TDRD1: variants seen among roughly 807,000 people sequenced by gnomAD.
TDRD1 encodes the protein tudor domain-containing protein 1.
TDRD1 carries 37 observed loss-of-function variants against 140.6 expected under a neutral mutation model. The observed-to-expected ratio is 0.26, with a 90% CI of 0.20 to 0.35. TDRD1 has a LOEUF of 0.35. Ranked by LOEUF, TDRD1 falls within the 10% of genes least tolerant of loss-of-function variation. The probability of loss-of-function intolerance (pLI) is 1.00; values close to 1 mark genes in which losing one functional copy is unlikely to be tolerated. For missense variants in TDRD1, 1,243 were observed against 1,393.0 expected, an observed-to-expected ratio of 0.89 and a Z score of 1.71; for synonymous variants, 506 against 475.7, an observed-to-expected ratio of 1.06 and a Z score of -0.83.
At chr10:114,192,082 G>GTTCT (rs1211157210) in intron 3 of TDRD1, among the ~76,000 whole-genome samples, 1 of 150,370 alleles carries the variant, frequency 6.7e-6, no homozygotes, top group Non-Finnish European at 1.5e-5. Flanking sequence ...TGTTTTGAAA[G>GTTCT]TTCTTTATAT....
At chr10:114,184,830 A>G (rs971513899) in intron 1 of TDRD1, among the ~76,000 whole-genome samples, 1 of 152,010 alleles carries the variant, frequency 6.6e-6, no homozygotes, top group Admixed American at 6.5e-5. Flanking sequence ...ACCTGTGGCT[A>G]TTGCAGTCTG....
intron 3 of TDRD1, among the ~76,000 whole-genome samples, chr10:114,197,460 C>A (rs117271845): frequency 6.6e-6 from 1 of 152,000 alleles, no homozygotes; most frequent in Non-Finnish European, 1.5e-5. Flanking sequence ...TCATTTGTTT[C>A]AAGCCTATTC....
chr10:114,203,563 A>T (rs780790657), exon 8 of TDRD1: 5 of 1,603,764 alleles, frequency 3.1e-6, no homozygotes, highest in Non-Finnish European at 4.3e-6. Context: ...TACACTGTTG[A>T]TCAGGTAACC....
intron 1 of TDRD1, 107 bp from the exon 2 acceptor site, chr10:114,187,719 A>T: frequency 9.8e-7 from 1 of 1,017,504 alleles, no homozygotes; most frequent in Non-Finnish European, 1.4e-6. Flanking sequence ...ATTGTTTTAT[A>T]GGCATTATCT....
intron 1 of TDRD1, among the ~76,000 whole-genome samples, chr10:114,183,053 G>A (rs2033219275): frequency 6.6e-6 from 1 of 152,148 alleles, no homozygotes; most frequent in Non-Finnish European, 1.5e-5. Flanking sequence ...GAAGTCAAAG[G>A]TATTTTTGTT....
At chr10:114,178,639 A>C (rs534814475), upstream of TDRD1, among the ~76,000 whole-genome samples, 26 of 152,324 alleles carry the variant, frequency 1.7e-4, no homozygotes, top group South Asian at 1.2e-3. Flanking sequence ...TGACAAACAC[A>C]GTGAACAAAC....
rs1363792489 is a variant in TDRD1, at chr10:114,211,855, C to A, written c.1661-11C>A. On this transcript the variant is annotated splice_polypyrimidine_tract_variant and intron_variant, in intron 13 of 25. Coordinates refer to ENST00000251864, the Ensembl canonical transcript of TDRD1. ...AAAAATCATTTGAGATTGAGTCTCT[C>A]CCTTTTTCAGAGGATGATCAGTGGT... 6.6e-7 allele frequency: 1 copy of A among 1,512,594 alleles called. No individual in the cohort carries two copies. Among genetic ancestry groups the A allele is most frequent in the African/African-American group, 1.4e-5 (1 of 69,194 alleles). 93.7% of individuals were successfully genotyped at this position (1,512,594 alleles called of 1,614,324 possible).
chr10:114,226,935 C>T, intron 22 of TDRD1, 137 bp from the exon 23 acceptor site: 1 of 588,526 alleles, frequency 1.7e-6, no homozygotes, highest in South Asian at 2.2e-5. Flanking sequence ...TTTTGTAATG[C>T]AACAGCAGTA....
intron 3 of TDRD1, among the ~76,000 whole-genome samples, chr10:114,197,604 A>G (rs2034453799): frequency 6.7e-6 from 1 of 150,314 alleles, no homozygotes; most frequent in Non-Finnish European, 1.5e-5. Flanking sequence ...TTCTTGGTGC[A>G]ATGAGTTATT....
At chr10:114,214,827 T>C (rs954100844) in intron 16 of TDRD1, among the ~76,000 whole-genome samples, 3 of 151,542 alleles carry the variant, frequency 2.0e-5, no homozygotes, top group Admixed American at 1.3e-4. Flanking sequence ...AACCTCTGCC[T>C]CCCAGGTTCA....
intron 20 of TDRD1, 24 bp from the exon 21 acceptor site, chr10:114,222,563 A>G (rs1484205874): frequency 1.2e-5 from 18 of 1,493,456 alleles, no homozygotes; most frequent in East Asian, 2.3e-5. Flanking sequence ...TTTCTTCACA[A>G]AAGATTGCTT....
chr10:114,220,502 G>C (rs958970300), intron 18 of TDRD1, 66 bp from the exon 19 acceptor site: 1 of 1,161,948 alleles, frequency 8.6e-7, no homozygotes, highest in African/African-American at 1.5e-5. Flanking sequence ...CCTGGTGCTG[G>C]GTACTACTAA....
intron 11 of TDRD1, 73 bp downstream of exon 11, chr10:114,206,403 A>G: frequency 8.3e-7 from 1 of 1,210,474 alleles, no homozygotes; most frequent in Middle Eastern, 1.9e-4. Flanking sequence ...AAACAAAGGC[A>G]CAACTTTAGC....
chr10:114,177,146 G>T (rs77689974), upstream of TDRD1, among the ~76,000 whole-genome samples: 1,849 of 152,220 alleles, frequency 0.012, 20 homozygotes, highest in Middle Eastern at 0.031. Flanking sequence ...AAATGGAGAA[G>T]AGACAAATCT....
rs189611964 is a variant in TDRD1, at chr10:114,220,485, G to A, written c.2495-83G>A. The A allele has an allele frequency of 2.1e-3, 1,969 of 918,924 alleles. 59 individuals carry two copies. The South Asian group carries it at 0.028, about 13-fold the overall frequency. The allele number at this position is 918,924 out of a possible 1,614,324, so 56.9% of individuals were successfully genotyped here. ...AATTGCTGACCTGAAAGTAAACTTG[G>A]CAAAGACCTGGTGCTGGGTACTACT... is the stretch of plus-strand genomic sequence containing the variant. On this transcript the variant is annotated intron_variant, in intron 18 of 25. Coordinates refer to ENST00000251864, the Ensembl canonical transcript of TDRD1.
chr10:114,214,465 C>T (rs1472775086), intron 16 of TDRD1, among the ~76,000 whole-genome samples: 11 of 152,114 alleles, frequency 7.2e-5, no homozygotes, highest in Non-Finnish European at 1.5e-4. Context: ...CTCAAGGGTG[C>T]GGTGAGGCTT....
At chr10:114,226,425 A>G (rs1335000075) in intron 22 of TDRD1, among the ~76,000 whole-genome samples, 3 of 152,144 alleles carry the variant, frequency 2.0e-5, no homozygotes, top group African/African-American at 7.2e-5. Flanking sequence ...TGTTTTGTAG[A>G]TTAGTTTCAG....
At chr10:114,182,462 G>A (rs2033148634) in intron 1 of TDRD1, among the ~76,000 whole-genome samples, 2 of 152,224 alleles carry the variant, frequency 1.3e-5, no homozygotes, top group Non-Finnish European at 1.5e-5. Context: ...AGTCTAACGC[G>A]GATGTTGTTT....
intron 6 of TDRD1, among the ~76,000 whole-genome samples, chr10:114,202,675 G>A (rs200853498): frequency 1.3e-5 from 2 of 152,150 alleles, no homozygotes; most frequent in East Asian, 1.9e-4. Flanking sequence ...AACATCCGTC[G>A]TGTCCAACTC....
Sources: allele counts gnomAD v4.1 joint callset (sites outside exome capture counted in the v4.1 genomes callset), GRCh38; gene constraint gnomAD v4.1.1; transcripts MANE v1.5; gene names NCBI Gene and HGNC (gene_info 2026-07-23, HGNC 2026-07-21).